Variants in GPC6 observed in about 807,000 individuals in gnomAD.
GPC6 encodes glypican 6.
GPC6 carries 14 observed loss-of-function variants against 55.2 expected under a neutral mutation model. That is an observed-to-expected ratio of 0.25 (90% CI 0.17 to 0.40). GPC6 has a LOEUF of 0.40. Among genes scored for constraint, GPC6 ranks in the 10% least tolerant of loss-of-function variants. The pLI is 1.00. For synonymous variants in GPC6, 278 were observed against 259.6 expected, an observed-to-expected ratio of 1.07 and a Z score of -0.68; for missense variants, 641 against 708.5, an observed-to-expected ratio of 0.90 and a Z score of 1.08.
At chr13:94,033,995 G>T (rs1883234398) in intron 4 of GPC6, among the ~76,000 whole-genome samples, 1 of 152,078 alleles carries the variant, frequency 6.6e-6, no homozygotes, top group Admixed American at 6.5e-5. Flanking sequence ...ATTCGTGAAA[G>T]CACCAGGAAA....
At chr13:93,230,046 C>T (rs1020943457) in intron 1 of GPC6, among the ~76,000 whole-genome samples, 1 of 151,998 alleles carries the variant, frequency 6.6e-6, no homozygotes, top group Non-Finnish European at 1.5e-5. Context: ...AAGTGGTTAT[C>T]TTTTCTTAAA....
chr13:93,616,894 T>TGATC (rs1878747485), intron 2 of GPC6, among the ~76,000 whole-genome samples: 1 of 152,108 alleles, frequency 6.6e-6, no homozygotes, highest in Non-Finnish European at 1.5e-5. Flanking sequence ...CTCTAGTGTG[T>TGATC]GATCACTTAA....
At chr13:94,288,871 TTA>T (rs1411959527) in intron 5 of GPC6, among the ~76,000 whole-genome samples, 8 of 25,652 alleles carry the variant, frequency 3.1e-4, no homozygotes, top group East Asian at 2.4e-3. Context: ...TATATATTTG[TTA>T]TATATATAAC....
chr13:93,689,077 T>C (rs1882158021), intron 2 of GPC6, among the ~76,000 whole-genome samples: 1 of 152,066 alleles, frequency 6.6e-6, no homozygotes, highest in Admixed American at 6.6e-5. Flanking sequence ...CAGATTTACT[T>C]CAGGGAGTTA....
chr13:94,254,253 C>A (rs1322965712), intron 4 of GPC6, among the ~76,000 whole-genome samples: 1 of 152,072 alleles, frequency 6.6e-6, no homozygotes, highest in Non-Finnish European at 1.5e-5. Flanking sequence ...AAGCCTATGA[C>A]CTTCCATTTG....
chr13:93,396,604 A>G (rs1364727181), intron 1 of GPC6, among the ~76,000 whole-genome samples: 1 of 151,800 alleles, frequency 6.6e-6, no homozygotes, highest in Non-Finnish European at 1.5e-5. Context: ...TAATAATAGA[A>G]CTATAAGCTC....
intron 2 of GPC6, among the ~76,000 whole-genome samples, chr13:93,638,689 A>C (rs1879793846): frequency 6.6e-6 from 1 of 152,136 alleles, no homozygotes; most frequent in Non-Finnish European, 1.5e-5. Context: ...GTTACAGCTA[A>C]AGTTGATTAA....
intron 1 of GPC6, among the ~76,000 whole-genome samples, chr13:93,303,989 C>G (rs1213470778): frequency 6.6e-6 from 1 of 151,768 alleles, no homozygotes; most frequent in East Asian, 2.0e-4. Flanking sequence ...CTGCCTCAGC[C>G]TCCCGAGCAG....
At chr13:93,900,123 C>T (rs936978286) in intron 3 of GPC6, among the ~76,000 whole-genome samples, 4 of 151,774 alleles carry the variant, frequency 2.6e-5, no homozygotes, top group African/African-American at 9.7e-5. Flanking sequence ...CTTCATTTTG[C>T]CGGACTATCT....
At chr13:93,979,309 GTGTGTGTGTTTGTGTGTGTTTTTT>G (rs1402055910) in intron 3 of GPC6, among the ~76,000 whole-genome samples, 1 of 126,146 alleles carries the variant, frequency 7.9e-6, no homozygotes, top group African/African-American at 3.0e-5. Context: ...GTGTGTGTGT[GTGTGTGTGTTTGTGTGTGTTTTTT>G]TGTGTGTGTG....
At chr13:93,636,446 A>C (rs967234276) in intron 2 of GPC6, among the ~76,000 whole-genome samples, 2 of 152,226 alleles carry the variant, frequency 1.3e-5, no homozygotes, top group Admixed American at 6.5e-5. Flanking sequence ...CTGTCGTAGA[A>C]TGCATGATCA....
At chr13:94,002,904 A>G (rs1307805989) in intron 3 of GPC6, among the ~76,000 whole-genome samples, 1 of 152,190 alleles carries the variant, frequency 6.6e-6, no homozygotes, top group Non-Finnish European at 1.5e-5. Context: ...TTTCTCCACA[A>G]TGGCTTTTGC....
intron 1 of GPC6, among the ~76,000 whole-genome samples, chr13:93,467,770 T>C (rs1436418727): frequency 6.6e-6 from 1 of 151,896 alleles, no homozygotes; most frequent in African/African-American, 2.4e-5. Flanking sequence ...TTTTATTTTT[T>C]TGTAGAGACA....
intron 3 of GPC6, among the ~76,000 whole-genome samples, chr13:93,976,907 A>C (rs578178982): frequency 1.4e-4 from 22 of 152,208 alleles, no homozygotes; most frequent in African/African-American, 5.1e-4. Flanking sequence ...TATTCCCTAA[A>C]TCAGAAACAG....
At chr13:94,145,402 A>G (rs941562031) in intron 4 of GPC6, among the ~76,000 whole-genome samples, 5 of 152,202 alleles carry the variant, frequency 3.3e-5, no homozygotes, top group Non-Finnish European at 7.3e-5. Context: ...AAAGTGTCCA[A>G]ATAATTTTAT....
intron 1 of GPC6, among the ~76,000 whole-genome samples, chr13:93,236,604 C>T (rs1423097645): frequency 2.6e-5 from 4 of 152,104 alleles, no homozygotes; most frequent in South Asian, 4.1e-4. Context: ...ACTGTGCATG[C>T]GAGGGATGTA....
chr13:93,625,837 C>A (rs1325512032), intron 2 of GPC6, among the ~76,000 whole-genome samples: 1 of 152,182 alleles, frequency 6.6e-6, no homozygotes, highest in Non-Finnish European at 1.5e-5. Flanking sequence ...TGACTTTCTT[C>A]ACTTAGAGCA....
At chr13:93,480,721 C>T (rs911335370) in intron 1 of GPC6, among the ~76,000 whole-genome samples, 8 of 152,154 alleles carry the variant, frequency 5.3e-5, no homozygotes, top group African/African-American at 1.9e-4. Flanking sequence ...TTGTATATTT[C>T]TTTACTTAGT....
chr13:93,780,427 A>G (rs1351316362), intron 2 of GPC6, among the ~76,000 whole-genome samples: 1 of 152,122 alleles, frequency 6.6e-6, no homozygotes, highest in Non-Finnish European at 1.5e-5. Flanking sequence ...TACATCTTCA[A>G]ATGACTCCTG....
Sources: allele counts gnomAD v4.1 joint callset (sites outside exome capture counted in the v4.1 genomes callset), GRCh38; gene constraint gnomAD v4.1.1; transcripts MANE v1.5; gene names NCBI Gene and HGNC (gene_info 2026-07-23, HGNC 2026-07-21).